Variants in ZMYM4 observed in about 807,000 individuals in gnomAD.
ZMYM4 encodes the protein zinc finger MYM-type protein 4.
In ZMYM4, 31 loss-of-function variants were observed where a neutral mutation model predicts 183.2. The ratio of observed to expected loss-of-function variants is 0.17; its 90% confidence interval spans 0.13 to 0.23. ZMYM4 has a LOEUF of 0.23. ZMYM4 is among the 10% of genes least tolerant of loss of function. The pLI, the probability that ZMYM4 is intolerant of heterozygous loss-of-function variation, is 1.00. For missense variants in ZMYM4, 1,273 were observed against 1,840.3 expected (o/e 0.69, Z 5.64); for synonymous variants, 592 against 631.2 (o/e 0.94, Z 0.93).
chr1:35,355,874 G>A (rs1315971563), intron 2 of ZMYM4, among the ~76,000 whole-genome samples: 1 of 152,010 alleles, frequency 6.6e-6, no homozygotes, highest in East Asian at 1.9e-4. Context: ...ATGTGAGTTA[G>A]GGATCTCATT....
At chr1:35,328,454 A>ATT (rs754078160) in intron 2 of ZMYM4, among the ~76,000 whole-genome samples, 1,683 of 117,020 alleles carry the variant, frequency 0.014, 40 homozygotes, top group East Asian at 0.059. Flanking sequence ...TAATTTTTTA[A>ATT]TTTTTTTTTT....
chr1:35,381,645 T>C lies in ZMYM4; in HGVS notation c.1456T>C (p.Cys486Arg). The change falls in exon 9 of 30, where the codon TGT becomes CGT. Residue 486 changes from cysteine to arginine, a missense_variant. Around this residue, in one of 6 missense-constraint regions of ZMYM4, gnomAD observed 319 missense variants for 518.1 expected, o/e 0.62. Coordinates refer to ENST00000314607, the MANE Select transcript of ZMYM4 (RefSeq NM_005095.3). ...TGCTAACAACCTCACCATGAACTGT[T>C]GTGAGAACTGTGGGGGTTACTGTTA... ...RSANNLTMNC[C>R]ENCGGYCYSG... 6.2e-7 allele frequency: 1 copy of C among 1,614,240 alleles called. No individual in the cohort carries two copies. The highest frequency in any genetic ancestry group is 8.5e-7 in the Non-Finnish European group (1 of 1,180,030).
rs553508241 is a variant in ZMYM4 at position 35,392,718 on chromosome 1, GTATT to G, written c.2766+40_2766+43del. The G allele has an allele frequency of 5.2e-5, 80 of 1,544,228 alleles. No homozygotes were observed. In the African/African-American group the frequency reaches 1.1e-3, roughly 20 times the overall value. ...TATTACTTTTATTGGTATTGTCACTGTATTTATTTTTCATTTTCATACAGTATAA... is the reference window on the plus strand; with the variant it reads ...TATTACTTTTATTGGTATTGTCACTGTATTTTTCATTTTCATACAGTATAA... On this transcript the variant is annotated intron_variant, in intron 17 of 29. Coordinates refer to ENST00000314607, the MANE Select transcript of ZMYM4 (RefSeq NM_005095.3).
intron 26 of ZMYM4, among the ~76,000 whole-genome samples, chr1:35,410,655 A>ATT (rs750280057): frequency 2.2e-3 from 291 of 132,190 alleles, no homozygotes; most frequent in Non-Finnish European, 3.5e-3. Context: ...CACCTGGCTC[A>ATT]TTTTTTTTTT....
intron 1 of ZMYM4, among the ~76,000 whole-genome samples, chr1:35,275,841 A>G (rs1046375280): frequency 3.9e-5 from 6 of 152,204 alleles, no homozygotes; most frequent in African/African-American, 1.2e-4. Flanking sequence ...TGGGTTTTTC[A>G]AAGTCAGTTT....
At chr1:35,287,783 T>C (rs1243011992) in intron 1 of ZMYM4, among the ~76,000 whole-genome samples, 1 of 152,104 alleles carries the variant, frequency 6.6e-6, no homozygotes, top group Non-Finnish European at 1.5e-5. Flanking sequence ...TTTTTGTATT[T>C]TTAGTAGAGA....
rs763418126 is a variant in ZMYM4 at position 35,396,570 on chromosome 1, C to T, written c.2930C>T (p.Pro977Leu). The T allele has an allele frequency of 1.9e-6, 3 of 1,613,554 alleles. No individual in the cohort carries two copies. Among genetic ancestry groups the T allele is most frequent in the Non-Finnish European group, 2.5e-6 (3 of 1,179,738 alleles). Reference protein sequence around the residue: ...ECQTEDTPSQPQIIVVPVPVP... With the variant: ...ECQTEDTPSQLQIIVVPVPVP... ...CTGTTAGAAGACACTCCAAGTCAGC[C>T]CCAGATTATTGTGGTGCCAGTTCCC... The change falls in exon 19 of 30, where the codon CCC (proline) becomes CTC (leucine). Residue 977 changes from proline to leucine, a missense_variant. By Grantham distance (98) the Pro-to-Leu change is moderately conservative. This residue lies in a region of ZMYM4 where 290 missense variants were observed against 353.3 expected (regional missense o/e 0.82). Coordinates refer to ENST00000314607, the MANE Select transcript of ZMYM4 (RefSeq NM_005095.3).
chr1:35,312,641 TTTC>T (rs1206561942), intron 1 of ZMYM4, among the ~76,000 whole-genome samples: 1 of 152,082 alleles, frequency 6.6e-6, no homozygotes. Flanking sequence ...TTTTCTTTCT[TTTC>T]TTTTTCTTTC....
rs1335468696 is a variant in ZMYM4 at position 35,381,366 on chromosome 1, A to T, written c.1289A>T (p.Lys430Ile). Residue 430 changes from lysine to isoleucine, a missense_variant, in exon 8 of 30, where the codon AAA becomes ATA. By Grantham distance (102) the Lys-to-Ile change is moderately radical (BLOSUM62 -3). Around this residue, in one of 6 missense-constraint regions of ZMYM4, gnomAD observed 319 missense variants for 518.1 expected, o/e 0.62. Coordinates refer to ENST00000314607, the MANE Select transcript of ZMYM4 (RefSeq NM_005095.3). The stretch of plus-strand genomic sequence containing the variant: ...TTGTCAACATATGAACTGAAAAAAA[A>T]ACCTATTGTTACCATAAATACAAAT... Reference protein sequence around the residue: ...SCLSTYELKKKPIVTINTNSI... With the variant: ...SCLSTYELKKIPIVTINTNSI... The T allele has an allele frequency of 6.2e-7, 1 of 1,613,316 alleles. No homozygotes were observed. Among genetic ancestry groups the T allele is most frequent in the East Asian group, 2.2e-5 (1 of 44,868 alleles).
rs1644648792 is a variant in ZMYM4 at position 35,389,301 on chromosome 1, C to A, written c.2436+219C>A. 1.3e-5 allele frequency among the ~76,000 whole-genome samples: 2 copies of A among 152,048 alleles called. No individual in the cohort carries two copies. The highest frequency in any genetic ancestry group is 1.5e-5 in the Non-Finnish European group (1 of 68,020). On this transcript the variant is annotated intron_variant, in intron 14 of 29. Transcript: ENST00000314607. This position sits in a 1 kb window ranked among gnomAD's most constrained non-coding sequence, Gnocchi z 4.0. ...TGTAGGAGACATATCAGTCTTAAGA[C>A]ATTAAAATATTTAAACTTATAATTT...
rs1159844822 is a variant in ZMYM4, at chr1:35,359,059, T to A, written c.220T>A (p.Leu74Met). 3.7e-6 allele frequency: 6 copies of A among 1,613,808 alleles called. No individual in the cohort carries two copies. The highest frequency in any genetic ancestry group is 5.1e-6 in the Non-Finnish European group (6 of 1,179,752). The stretch of plus-strand genomic sequence containing the variant: ...ATTGCTGGATGAAGATGATTATTTT[T>A]TGAACTCTGGGGATCTTGCAGGAAT... The part of the protein sequence containing the change: ...NSLLDEDDYF[L>M]NSGDLAGIPV... Residue 74 changes from leucine to methionine, a missense_variant, in exon 3 of 30, where the codon TTG (leucine) becomes ATG (methionine). Coordinates refer to ENST00000314607, the MANE Select transcript of ZMYM4 (RefSeq NM_005095.3).
At chr1:35,373,723 G>A (rs1372264155) in intron 7 of ZMYM4, among the ~76,000 whole-genome samples, 1 of 147,308 alleles carries the variant, frequency 6.8e-6, no homozygotes, top group Non-Finnish European at 1.5e-5. Context: ...ATGTTTAGTA[G>A]AGGCAGAGTT....
intron 2 of ZMYM4, among the ~76,000 whole-genome samples, chr1:35,346,574 C>G (rs913322234): frequency 6.9e-6 from 1 of 145,160 alleles, no homozygotes; most frequent in African/African-American, 2.6e-5. Context: ...TCACTTGAAC[C>G]TAGGAGGTGG....
chr1:35,387,008 A>T lies in ZMYM4; in HGVS notation c.1842A>T (p.Leu614Phe). ...SYSCVVAFQN[L>F]FNKPTGMNSS... The stretch of plus-strand genomic sequence containing the variant: ...TTGTTGTTTTGTTTTTCCAGAATTT[A>T]TTCAACAAACCAACTGGAATGAATT... The change falls in exon 12 of 30, where the codon TTA (leucine) becomes TTT (phenylalanine). Residue 614 changes from leucine to phenylalanine, a missense_variant. Physicochemically the swap from Leu to Phe is conservative, Grantham distance 22 (BLOSUM62 0). Transcript: ENST00000314607. The T allele has an allele frequency of 6.2e-7, 1 of 1,612,190 alleles. No homozygotes were observed. The highest frequency in any genetic ancestry group is 1.3e-5 in the African/African-American group (1 of 75,008).
intron 2 of ZMYM4, among the ~76,000 whole-genome samples, chr1:35,352,391 C>T (rs973204806): frequency 6.3e-5 from 9 of 143,404 alleles, no homozygotes; most frequent in African/African-American, 2.4e-4. Flanking sequence ...TTAGCGCACA[C>T]ACACACACAC....
At chr1:35,352,744 C>G (rs1643676278) in intron 2 of ZMYM4, among the ~76,000 whole-genome samples, 1 of 152,136 alleles carries the variant, frequency 6.6e-6, no homozygotes, top group Non-Finnish European at 1.5e-5. Context: ...TTAGCTGTTC[C>G]TTCTTAGTGT....
At chr1:35,289,150 G>C (rs1640641900) in intron 1 of ZMYM4, among the ~76,000 whole-genome samples, 1 of 152,178 alleles carries the variant, frequency 6.6e-6, no homozygotes, top group Admixed American at 6.6e-5. Flanking sequence ...GATTGCAGTA[G>C]GAAGAATAGA....
chr1:35,375,456 A>G (rs1644314550), intron 7 of ZMYM4, among the ~76,000 whole-genome samples: 3 of 152,188 alleles, frequency 2.0e-5, no homozygotes, highest in South Asian at 4.1e-4. Flanking sequence ...TGGCATATGC[A>G]TTGTTTCTCT....
intron 1 of ZMYM4, among the ~76,000 whole-genome samples, chr1:35,273,825 T>C (rs1352513726): frequency 6.6e-6 from 1 of 152,036 alleles, no homozygotes; most frequent in Non-Finnish European, 1.5e-5. Flanking sequence ...CGAAAGAGAG[T>C]ATAAGGGTGC....
Sources: gnomAD v4.1 joint callset for allele counts (sites outside exome capture counted in the v4.1 genomes callset) on GRCh38, gnomAD v4.1.1 for gene constraint, gnomAD v4.1.1 regional missense constraint, Gnocchi (gnomAD v3.1) non-coding constraint, MANE v1.5 for transcripts, NCBI Gene and HGNC (gene_info 2026-07-23, HGNC 2026-07-21) for gene names.